The following PTPRD variants were observed in gnomAD, a reference collection of about 807,000 sequenced individuals.
PTPRD encodes receptor-type tyrosine-protein phosphatase delta.
Under a neutral mutation model 214.5 loss-of-function variants are expected in PTPRD, and 34 were observed. The ratio of observed to expected loss-of-function variants is 0.16; its 90% confidence interval spans 0.12 to 0.21. PTPRD has a LOEUF of 0.21. Ranked by LOEUF, PTPRD falls within the 10% of genes least tolerant of loss-of-function variation. The pLI is 1.00. For synonymous variants in PTPRD, 1,128 were observed against 845.7 expected, an observed-to-expected ratio of 1.33 and a Z score of -5.79; for missense variants, 2,545 against 2,398.7, an observed-to-expected ratio of 1.06 and a Z score of -1.27.
At chr9:9,055,292 ATAAAGTGTGC>A (rs2099694158) in intron 10 of PTPRD, among the ~76,000 whole-genome samples, 1 of 152,188 alleles carries the variant, frequency 6.6e-6, no homozygotes, top group Non-Finnish European at 1.5e-5. Flanking sequence ...GAGAGTGGAT[ATAAAGTGTGC>A]TCACCACAAA....
intron 14 of PTPRD, among the ~76,000 whole-genome samples, chr9:8,591,211 T>A (rs2094077653): frequency 6.6e-6 from 1 of 152,224 alleles, no homozygotes; most frequent in East Asian, 1.9e-4. Flanking sequence ...CAACTGCATC[T>A]GCAACCTTAA....
intron 2 of PTPRD, among the ~76,000 whole-genome samples, chr9:10,365,457 C>T (rs368389690): frequency 5.3e-5 from 8 of 152,230 alleles, no homozygotes; most frequent in African/African-American, 1.9e-4. Flanking sequence ...TAGAATATTC[C>T]TGTCCATATT....
intron 3 of PTPRD, among the ~76,000 whole-genome samples, chr9:10,329,494 A>C (rs950567005): frequency 6.6e-6 from 1 of 151,838 alleles, no homozygotes; most frequent in Non-Finnish European, 1.5e-5. Context: ...TCTGTTCATG[A>C]ATATTTTTTC....
At chr9:8,795,898 C>A (rs1040856399) in intron 11 of PTPRD, among the ~76,000 whole-genome samples, 8 of 152,102 alleles carry the variant, frequency 5.3e-5, no homozygotes, top group African/African-American at 1.9e-4. Flanking sequence ...AAAGTATGCA[C>A]CAAGTCGCAT....
At chr9:10,229,556 C>T (rs1198868175) in intron 3 of PTPRD, among the ~76,000 whole-genome samples, 1 of 152,004 alleles carries the variant, frequency 6.6e-6, no homozygotes, top group Non-Finnish European at 1.5e-5. Flanking sequence ...TTTGTAGGGA[C>T]ATGGATGAAG....
At chr9:9,904,485 C>G (rs918933394) in intron 5 of PTPRD, among the ~76,000 whole-genome samples, 1 of 151,982 alleles carries the variant, frequency 6.6e-6, no homozygotes, top group Non-Finnish European at 1.5e-5. Flanking sequence ...CTCAATTAGA[C>G]TGTAATTATC....
chr9:9,582,202 A>G (rs1299294821), intron 7 of PTPRD, among the ~76,000 whole-genome samples: 1 of 152,148 alleles, frequency 6.6e-6, no homozygotes, highest in Non-Finnish European at 1.5e-5. Flanking sequence ...TAAGACAACC[A>G]TCCTTAGTCT....
At chr9:8,571,629 T>G (rs2091178938) in intron 14 of PTPRD, among the ~76,000 whole-genome samples, 1 of 152,180 alleles carries the variant, frequency 6.6e-6, no homozygotes, top group African/African-American at 2.4e-5. Context: ...AAAGCCATAT[T>G]AGAATTTATC....
chr9:9,487,679 T>C (rs1468607379), intron 8 of PTPRD, among the ~76,000 whole-genome samples: 1 of 152,194 alleles, frequency 6.6e-6, no homozygotes. Context: ...AGAAACATGA[T>C]AATTAAAATA....
At chr9:10,605,673 G>A (rs949164375) in intron 2 of PTPRD, among the ~76,000 whole-genome samples, 2 of 151,734 alleles carry the variant, frequency 1.3e-5, no homozygotes. Flanking sequence ...ATTTTTCTGT[G>A]ATATAAAGGG....
At chr9:10,478,702 CAG>C (rs1589088440) in intron 2 of PTPRD, among the ~76,000 whole-genome samples, 2 of 151,604 alleles carry the variant, frequency 1.3e-5, no homozygotes, top group Non-Finnish European at 2.9e-5. Flanking sequence ...AATACAATTA[CAG>C]AGTTACTATA....
intron 12 of PTPRD, among the ~76,000 whole-genome samples, chr9:8,669,719 G>A (rs1017243446): frequency 1.3e-5 from 2 of 152,194 alleles, no homozygotes; most frequent in Non-Finnish European, 2.9e-5. Flanking sequence ...AACCAAGTGA[G>A]TGATAATCCA....
chr9:10,571,056 T>G (rs2067275784), intron 2 of PTPRD, among the ~76,000 whole-genome samples: 1 of 152,210 alleles, frequency 6.6e-6, no homozygotes, highest in Non-Finnish European at 1.5e-5. Context: ...TACTATTTTA[T>G]GCATATTTGC....
intron 3 of PTPRD, among the ~76,000 whole-genome samples, chr9:10,233,474 G>C (rs910735572): frequency 6.6e-6 from 1 of 151,812 alleles, no homozygotes. Context: ...CCAACAGCTT[G>C]AGATCTCTGT....
At chr9:9,241,791 T>G (rs1019260063) in intron 9 of PTPRD, among the ~76,000 whole-genome samples, 4 of 151,874 alleles carry the variant, frequency 2.6e-5, no homozygotes, top group African/African-American at 9.7e-5. Flanking sequence ...GTCTTGACTC[T>G]TTATCCAATT....
At chr9:9,230,402 T>C (rs2099962368) in intron 9 of PTPRD, among the ~76,000 whole-genome samples, 1 of 152,132 alleles carries the variant, frequency 6.6e-6, no homozygotes, top group South Asian at 2.1e-4. Flanking sequence ...CATCTGGCTG[T>C]TCCTGAGTAA....
chr9:10,523,704 T>A (rs2053322269), intron 2 of PTPRD, among the ~76,000 whole-genome samples: 1 of 147,864 alleles, frequency 6.8e-6, no homozygotes, highest in Non-Finnish European at 1.5e-5. Context: ...TATGTTTGTT[T>A]ACAGGTGAAA....
chr9:9,094,557 A>G (rs118124811), intron 10 of PTPRD, among the ~76,000 whole-genome samples: 2 of 152,120 alleles, frequency 1.3e-5, no homozygotes, highest in Non-Finnish European at 2.9e-5. Context: ...ATCAAACACT[A>G]CATAGTGGGT....
At chr9:8,551,693 T>C (rs966310584) in intron 14 of PTPRD, among the ~76,000 whole-genome samples, 3 of 152,228 alleles carry the variant, frequency 2.0e-5, no homozygotes, top group African/African-American at 7.2e-5. Context: ...TGGAAATTGC[T>C]AACAACATTT....
Sources: gnomAD v4.1 joint callset for allele counts (sites outside exome capture counted in the v4.1 genomes callset) on GRCh38, gnomAD v4.1.1 for gene constraint, MANE v1.5 for transcripts, NCBI Gene and HGNC (gene_info 2026-07-23, HGNC 2026-07-21) for gene names.